Variants in BCAT2 observed in about 807,000 individuals in gnomAD.
The protein encoded by BCAT2 is branched chain amino acid transaminase 2.
BCAT2 carries 44 observed loss-of-function variants against 52.9 expected under a neutral mutation model. The observed-to-expected ratio is 0.83, with a 90% CI of 0.65 to 1.07. The LOEUF (loss-of-function observed/expected upper bound fraction) is 1.07, where lower values mean the gene tolerates loss of function less well. BCAT2 is among the 50% of genes least tolerant of loss of function. BCAT2 has a pLI of 0.00. For synonymous variants in BCAT2, 215 were observed against 217.1 expected (o/e 0.99, Z 0.08); for missense variants, 478 against 521.8 (o/e 0.92, Z 0.82).
At chr19:48,809,898 G>A (rs2034882382) in intron 1 of BCAT2, among the ~76,000 whole-genome samples, 1 of 152,040 alleles carries the variant, frequency 6.6e-6, no homozygotes, top group African/African-American at 2.4e-5. Flanking sequence ...CCCCGGGACT[G>A]TCCCCATCAC....
At chr19:48,810,494 A>T (rs1463048215) in intron 1 of BCAT2, among the ~76,000 whole-genome samples, 2 of 152,104 alleles carry the variant, frequency 1.3e-5, no homozygotes, top group Non-Finnish European at 2.9e-5. Flanking sequence ...AAGCACAGCA[A>T]TCCCCATCTC....
chr19:48,809,992 G>A (rs1388325149), intron 1 of BCAT2, among the ~76,000 whole-genome samples: 1 of 151,892 alleles, frequency 6.6e-6, no homozygotes, highest in Non-Finnish European at 1.5e-5. Flanking sequence ...ATGAGTTCAG[G>A]GCCATTCTAT....
intron 10 of BCAT2, among the ~76,000 whole-genome samples, chr19:48,795,685 G>T (rs377737872): frequency 9.2e-5 from 14 of 152,296 alleles, no homozygotes; most frequent in Non-Finnish European, 2.1e-4. Flanking sequence ...AGGAATTATG[G>T]CCAGGCCTCT....
chr19:48,796,575 C>A lies in BCAT2; in HGVS notation c.1065+3G>T. On this transcript the variant is annotated splice_donor_region_variant and intron_variant, in intron 9 of 10. Coordinates refer to ENST00000316273, the MANE Select transcript of BCAT2 (RefSeq NM_001190.4). ...CCCACCCACAATGGCAGCCCCGCCTCACCCTGTCTTTGTACAGGATTCGGT... is the reference window on the plus strand; with the variant it reads ...CCCACCCACAATGGCAGCCCCGCCTAACCCTGTCTTTGTACAGGATTCGGT... 1 of 1,612,730 alleles carries A rather than the reference C, an allele frequency of 6.2e-7. No homozygotes were observed. Among genetic ancestry groups the A allele is most frequent in the Non-Finnish European group, 8.5e-7 (1 of 1,179,682 alleles).
chr19:48,807,988 G>T lies in BCAT2; in HGVS notation c.25-914C>A. On this transcript the variant is annotated intron_variant, in intron 1 of 10. Transcript: ENST00000316273. The surrounding 1 kb of genome is among the most constrained non-coding windows in gnomAD (Gnocchi z 4.6). The stretch of plus-strand genomic sequence containing the variant: ...CCCCAGCCCTGTGGGGAGGCGTTGG[G>T]GCGTGAGGTTGAGAGAGACAGAGTG... The T allele has an allele frequency of 1.0e-6, 1 of 986,156 alleles. No homozygotes were observed. Among genetic ancestry groups the T allele is most frequent in the Non-Finnish European group, 1.2e-6 (1 of 830,342 alleles). The allele number at this position is 986,156 out of a possible 1,614,324, so 61.1% of individuals were successfully genotyped here. A position where few individuals can be genotyped will look rare whatever the true frequency, so the allele number is the denominator to read the frequency against.
intron 3 of BCAT2, among the ~76,000 whole-genome samples, chr19:48,804,615 G>C (rs549600567): frequency 6.6e-6 from 1 of 152,104 alleles, no homozygotes; most frequent in Non-Finnish European, 1.5e-5. Context: ...ACATGCCCTG[G>C]AGTGTGGGTG....
chr19:48,801,198 T>C (rs1460517212), intron 3 of BCAT2, among the ~76,000 whole-genome samples: 1 of 151,726 alleles, frequency 6.6e-6, no homozygotes, highest in East Asian at 1.9e-4. Flanking sequence ...CCTCCCAAAG[T>C]GCTAGGATTA....
At position 48,795,188 on chromosome 19, in the gene BCAT2, C is replaced by G. The variant is rs1213370502; in HGVS notation, c.*238G>C. The G allele has an allele frequency of 1.7e-6, 1 of 597,288 alleles. No individual in the cohort carries two copies. The allele number at this position is 597,288 out of a possible 1,614,324, so 37.0% of individuals were successfully genotyped here. On this transcript the variant is annotated 3_prime_UTR_variant, in exon 11 of 11. Coordinates refer to ENST00000316273, the MANE Select transcript of BCAT2 (RefSeq NM_001190.4). The stretch of plus-strand genomic sequence containing the variant: ...ATCGGGGCCAAGGTGTATCCTTGAC[C>G]GCACGACAAGGAGTAATGGGCGGAC...
chr19:48,795,293 G>A lies in BCAT2; in HGVS notation c.*133C>T, dbSNP rs1347498945. 1 of 1,201,800 alleles carries A rather than the reference G, an allele frequency of 8.3e-7. No individual in the cohort carries two copies. Among genetic ancestry groups the A allele is most frequent in the African/African-American group, 1.5e-5 (1 of 66,416 alleles). The allele number at this position is 1,201,800 out of a possible 1,614,324, so 74.4% of individuals were successfully genotyped here. A position where few individuals can be genotyped will look rare whatever the true frequency, so the allele number is the denominator to read the frequency against. On this transcript the variant is annotated 3_prime_UTR_variant, in exon 11 of 11. Coordinates refer to ENST00000316273, the MANE Select transcript of BCAT2 (RefSeq NM_001190.4). ...TTTGGGAGTGTCGCAACCACATGGG[G>A]GCGCCAGAGACCCAGACGCCGCCCG...
At chr19:48,803,147 A>G (rs2034692441) in intron 3 of BCAT2, among the ~76,000 whole-genome samples, 1 of 151,944 alleles carries the variant, frequency 6.6e-6, no homozygotes, top group African/African-American at 2.4e-5. Flanking sequence ...GTGAGCTGAG[A>G]CCATGCCACT....
At chr19:48,796,116 C>T (rs548779253) in intron 10 of BCAT2, 2 of 494,976 alleles carry the variant, frequency 4.0e-6, no homozygotes, top group Admixed American at 7.5e-5. Flanking sequence ...CCAGGGGCCT[C>T]AGAGGCCCAC....
intron 2 of BCAT2, 71 bp from the exon 3 acceptor site, chr19:48,806,788 GCC>G: frequency 6.4e-7 from 1 of 1,555,488 alleles, no homozygotes; most frequent in South Asian, 1.1e-5. Flanking sequence ...CTCCCATGAA[GCC>G]CTGGGCCTCA....
intron 6 of BCAT2, 185 bp from the exon 7 acceptor site, chr19:48,797,518 C>T (rs953093066): frequency 7.7e-6 from 5 of 653,412 alleles, no homozygotes; most frequent in Non-Finnish European, 1.0e-5. Context: ...GGTTATGTCC[C>T]CTCTCTCCTG....
Position 48,806,638 on chromosome 19 carries a change from G to A in BCAT2, c.179C>T (p.Thr60Ile), listed in dbSNP as rs2034788493. ...GPGEPLVFGKTFTDHMLMVEW... is the reference protein window; with the variant it reads ...GPGEPLVFGKIFTDHMLMVEW... ...CACCATCAGCATGTGGTCGGTAAAT[G>A]TCTTCCCAAACACCAGGGGCTCGCC... is the stretch of plus-strand genomic sequence containing the variant. The change falls in exon 3 of 11, where the codon ACA becomes ATA. Residue 60 changes from threonine to isoleucine, a missense_variant. By Grantham distance (89) the Thr-to-Ile change is moderately conservative (BLOSUM62 -1). Coordinates refer to ENST00000316273, the MANE Select transcript of BCAT2 (RefSeq NM_001190.4). 6.2e-7 allele frequency: 1 copy of A among 1,614,198 alleles called. No individual in the cohort carries two copies. Among genetic ancestry groups the A allele is most frequent in the Non-Finnish European group, 8.5e-7 (1 of 1,180,048 alleles).
Position 48,810,776 on chromosome 19 carries a change from C to T in BCAT2, c.24+208G>A, listed in dbSNP as rs1385455894. ...TTTACCTCCCCGCCAATTACTTGCC[C>T]CACCTCATCCGCGTCTACCTGCTCC... On this transcript the variant is annotated intron_variant, in intron 1 of 10. Transcript: ENST00000316273. 3 of 1,367,160 alleles carry T rather than the reference C, an allele frequency of 2.2e-6. No homozygotes were observed. In the African/African-American group the frequency reaches 4.7e-5, roughly 21 times the overall value. The allele number at this position is 1,367,160 out of a possible 1,614,324, so 84.7% of individuals were successfully genotyped here.
chr19:48,795,924 G>T, intron 10 of BCAT2: 1 of 258,636 alleles, frequency 3.9e-6, no homozygotes, highest in Non-Finnish European at 7.4e-6. Context: ...AGAGGCTCAT[G>T]GGAGGAAGCT....
At chr19:48,803,033 C>A (rs866339184) in intron 3 of BCAT2, among the ~76,000 whole-genome samples, 1 of 151,860 alleles carries the variant, frequency 6.6e-6, no homozygotes, top group East Asian at 1.9e-4. Context: ...TGTCTTTGCA[C>A]AAGATTTAAA....
In BCAT2 at chr19:48,799,104, GGA is replaced by G. The variant is rs1264145781; in HGVS notation, c.695+569_695+570del. Reference sequence around the variant, plus strand: ...GGCCTGGCCCTCAGGAGACCTCACAGGATGTGGCTGAAAGGACCTGAATGCAC... The same window carrying G: ...GGCCTGGCCCTCAGGAGACCTCACAGTGTGGCTGAAAGGACCTGAATGCAC... On this transcript the variant is annotated intron_variant, in intron 6 of 10. Transcript: ENST00000316273. This position sits in a 1 kb window ranked among gnomAD's most constrained non-coding sequence, Gnocchi z 5.5. The G allele has an allele frequency of 6.6e-6, 1 of 152,328 alleles. No individual in the cohort carries two copies. The highest frequency in any genetic ancestry group is 1.5e-5 in the Non-Finnish European group (1 of 68,150). The allele number at this position is 152,328 out of a possible 1,614,324, so 9.4% of individuals were successfully genotyped here. A position where few individuals can be genotyped will look rare whatever the true frequency, so the allele number is the denominator to read the frequency against.
In BCAT2 at chr19:48,796,561, T is replaced by C. The variant is rs761687961; in HGVS notation, c.1065+17A>G. On this transcript the variant is annotated intron_variant, in intron 9 of 10. Coordinates refer to ENST00000316273, the MANE Select transcript of BCAT2 (RefSeq NM_001190.4). ...TCCCCTCCTTCCCTCCCACCCACAATGGCAGCCCCGCCTCACCCTGTCTTT... is the reference window on the plus strand; with the variant it reads ...TCCCCTCCTTCCCTCCCACCCACAACGGCAGCCCCGCCTCACCCTGTCTTT... 1.5e-5 allele frequency: 22 copies of C among 1,455,564 alleles called. No individual in the cohort carries two copies. The South Asian group carries it at 1.8e-4, about 12-fold the overall frequency. 90.2% of individuals were successfully genotyped at this position (1,455,564 alleles called of 1,614,324 possible).
Sources: allele counts gnomAD v4.1 joint callset (sites outside exome capture counted in the v4.1 genomes callset), GRCh38; gene constraint gnomAD v4.1.1; non-coding constraint Gnocchi (gnomAD v3.1); transcripts MANE v1.5; gene names NCBI Gene and HGNC (gene_info 2026-07-23, HGNC 2026-07-21).